ZBTB20: variants seen among roughly 807,000 people sequenced by gnomAD.
ZBTB20 encodes the protein zinc finger and BTB domain containing 20.
In ZBTB20, 9 loss-of-function variants were observed where a neutral mutation model predicts 56.9. The ratio of observed to expected loss-of-function variants is 0.16; its 90% CI spans 0.10 to 0.28. The LOEUF (loss-of-function observed/expected upper bound fraction) is 0.28. Among genes scored for constraint, ZBTB20 ranks in the 10% least tolerant of loss-of-function variants. The probability of loss-of-function intolerance (pLI) is 1.00; values close to 1 mark genes in which losing one functional copy is unlikely to be tolerated. For missense variants in ZBTB20, 655 were observed against 1,003.0 expected, an observed-to-expected ratio of 0.65 and a Z score of 4.69; for synonymous variants, 417 against 420.7, an observed-to-expected ratio of 0.99 and a Z score of 0.11.
chr3:115,108,437 G>A (rs1313847037), intron 1 of ZBTB20, among the ~76,000 whole-genome samples: 1 of 152,138 alleles, frequency 6.6e-6, no homozygotes, highest in African/African-American at 2.4e-5. Context: ...AGTTAGGGGA[G>A]CACAGAGATG....
intron 4 of ZBTB20, among the ~76,000 whole-genome samples, chr3:114,856,248 T>C (rs966324560): frequency 6.6e-6 from 1 of 152,226 alleles, no homozygotes; most frequent in Non-Finnish European, 1.5e-5. Flanking sequence ...TCCACATACA[T>C]TATCTAATTT....
intron 6 of ZBTB20, among the ~76,000 whole-genome samples, chr3:114,663,664 C>T (rs1292362966): frequency 1.3e-5 from 2 of 151,268 alleles, no homozygotes; most frequent in African/African-American, 4.8e-5. Flanking sequence ...CAGAGACACA[C>T]ATAGGCTCAA....
intron 6 of ZBTB20, among the ~76,000 whole-genome samples, chr3:114,573,463 GA>G (rs1173999269): frequency 3.3e-3 from 114 of 34,284 alleles, no homozygotes; most frequent in Admixed American, 4.9e-3. Context: ...CAACAAAAAA[GA>G]AAAAAAAAAA....
At chr3:114,410,974 G>A (rs1055706335) in intron 7 of ZBTB20, among the ~76,000 whole-genome samples, 1 of 152,100 alleles carries the variant, frequency 6.6e-6, no homozygotes, top group Admixed American at 6.6e-5. Context: ...GGGACACATC[G>A]AGTTAGTGAG....
chr3:114,587,869 T>C (rs2055343135), intron 6 of ZBTB20, among the ~76,000 whole-genome samples: 1 of 152,240 alleles, frequency 6.6e-6, no homozygotes, highest in African/African-American at 2.4e-5. Context: ...ATTGCCATCC[T>C]TGTTAGGCCT....
intron 2 of ZBTB20, among the ~76,000 whole-genome samples, chr3:115,063,297 A>G (rs1033481211): frequency 6.6e-6 from 1 of 152,218 alleles, no homozygotes; most frequent in Non-Finnish European, 1.5e-5. Context: ...TTTAACAACA[A>G]AAATGTATTT....
intron 5 of ZBTB20, among the ~76,000 whole-genome samples, chr3:114,711,998 T>C (rs922746473): frequency 6.6e-6 from 1 of 152,202 alleles, no homozygotes; most frequent in Admixed American, 6.5e-5. Flanking sequence ...AAGTTCTTAG[T>C]ACAGTGCTGG....
At chr3:114,927,954 T>C (rs2076217554) in intron 3 of ZBTB20, among the ~76,000 whole-genome samples, 1 of 152,240 alleles carries the variant, frequency 6.6e-6, no homozygotes, top group South Asian at 2.1e-4. Flanking sequence ...GATATACCCC[T>C]GGATGTAACA....
At chr3:114,558,870 T>C (rs571242831) in intron 6 of ZBTB20, among the ~76,000 whole-genome samples, 16 of 152,296 alleles carry the variant, frequency 1.1e-4, no homozygotes, top group African/African-American at 3.8e-4. Context: ...CCTAGCTCAC[T>C]TGAGCCTCAA....
Position 114,986,284 on chromosome 3 carries a change from T to A in ZBTB20, c.-506-11868A>T, listed in dbSNP as rs187467949. ...GCATTACATTTTGGCCTTCTATAGA[T>A]TCATCAGCTTTCTCTGCATATTTTA... On this transcript the variant is annotated intron_variant, in intron 2 of 11. Coordinates refer to ENST00000675478, the MANE Select transcript of ZBTB20 (RefSeq NM_001348800.3). Among the ~76,000 whole-genome samples the A allele has an allele frequency of 5.1e-3, 780 of 152,222 alleles. 7 individuals are homozygous for A. Among genetic ancestry groups the A allele is most frequent in the South Asian group, 0.031 (147 of 4,814 alleles).
intron 4 of ZBTB20, among the ~76,000 whole-genome samples, chr3:114,850,294 T>A (rs935981281): frequency 6.6e-6 from 1 of 152,162 alleles, no homozygotes; most frequent in African/African-American, 2.4e-5. Flanking sequence ...CAGGTTCACA[T>A]GGAAAAAGTT....
At chr3:114,378,602 A>G (rs1415665612) in intron 10 of ZBTB20, among the ~76,000 whole-genome samples, 2 of 152,256 alleles carry the variant, frequency 1.3e-5, no homozygotes. Context: ...GTAACAGAAG[A>G]TTTCTAGCCT....
At chr3:114,464,917 T>C (rs1369679245) in intron 7 of ZBTB20, among the ~76,000 whole-genome samples, 4 of 152,180 alleles carry the variant, frequency 2.6e-5, no homozygotes, top group African/African-American at 9.7e-5. Context: ...CAAGGTTCTT[T>C]TTCTTTCAGC....
intron 7 of ZBTB20, among the ~76,000 whole-genome samples, chr3:114,484,146 T>C (rs1043022048): frequency 1.3e-5 from 2 of 152,216 alleles, no homozygotes; most frequent in Non-Finnish European, 2.9e-5. Flanking sequence ...ATTAAAATTT[T>C]CCCTTCTTAT....
chr3:114,464,373 G>A (rs1022935861), intron 7 of ZBTB20, among the ~76,000 whole-genome samples: 3 of 152,162 alleles, frequency 2.0e-5, no homozygotes, highest in African/African-American at 7.2e-5. Flanking sequence ...CGCACTTTAC[G>A]TGAAACAATT....
rs910636524 is a variant in ZBTB20 at position 114,550,656 on chromosome 3, G to A, written c.-294-50265C>T. 1.3e-4 allele frequency among the ~76,000 whole-genome samples: 20 copies of A among 152,174 alleles called. 1 individual carries two copies. Among genetic ancestry groups the A allele is most frequent in the African/African-American group, 4.8e-4 (20 of 41,522 alleles). ...GAAAGTTATAATTTCTTATTTTCTG[G>A]TTCCATTCTTGATCTCTTTATTTTC... On this transcript the variant is annotated intron_variant, in intron 6 of 11. Coordinates refer to ENST00000675478, the MANE Select transcript of ZBTB20 (RefSeq NM_001348800.3).
At chr3:114,984,872 C>A (rs925496684) in intron 2 of ZBTB20, among the ~76,000 whole-genome samples, 3 of 152,052 alleles carry the variant, frequency 2.0e-5, no homozygotes, top group African/African-American at 7.2e-5. Flanking sequence ...TACTAAAATC[C>A]AGCCACACTA....
At chr3:114,530,950 T>G (rs550353853) in intron 6 of ZBTB20, among the ~76,000 whole-genome samples, 16 of 152,274 alleles carry the variant, frequency 1.1e-4, no homozygotes, top group African/African-American at 3.1e-4. Flanking sequence ...AATTTCCTAG[T>G]GTTCTGCTCT....
intron 1 of ZBTB20, among the ~76,000 whole-genome samples, chr3:115,109,352 T>C (rs1214962998): frequency 6.6e-6 from 1 of 152,164 alleles, no homozygotes; most frequent in Non-Finnish European, 1.5e-5. Flanking sequence ...GTTGGTGAGA[T>C]CCTTACTGTT....
Sources: gnomAD v4.1 joint callset for allele counts (sites outside exome capture counted in the v4.1 genomes callset) on GRCh38, gnomAD v4.1.1 for gene constraint, MANE v1.5 for transcripts, NCBI Gene and HGNC (gene_info 2026-07-23, HGNC 2026-07-21) for gene names.